CDON: variants seen among roughly 807,000 people sequenced by gnomAD.
CDON encodes the protein cell adhesion associated, oncogene regulated.
CDON carries 73 observed loss-of-function variants against 120.9 expected under a neutral mutation model. The ratio of observed to expected loss-of-function variants is 0.60; its 90% CI spans 0.50 to 0.73. The LOEUF (loss-of-function observed/expected upper bound fraction) is 0.73, where lower values mean the gene tolerates loss of function less well. Ranked by LOEUF, CDON falls within the 30% of genes least tolerant of loss-of-function variation. The probability of loss-of-function intolerance (pLI) is 0.00; values close to 1 mark genes in which losing one functional copy is unlikely to be tolerated. For synonymous variants in CDON, 566 were observed against 573.5 expected, an observed-to-expected ratio of 0.99 and a Z score of 0.19; for missense variants, 1,470 against 1,587.3, an observed-to-expected ratio of 0.93 and a Z score of 1.26.
intron 15 of CDON, among the ~76,000 whole-genome samples, chr11:125,989,014 A>C (rs191203598): frequency 7.9e-5 from 12 of 152,308 alleles, no homozygotes; most frequent in East Asian, 5.8e-4. Context: ...CAGCCTGGGC[A>C]ACACAGTGAG....
intron 1 of CDON, among the ~76,000 whole-genome samples, chr11:126,054,823 TA>T (rs1414996166): frequency 1.3e-5 from 2 of 152,104 alleles, no homozygotes; most frequent in African/African-American, 2.4e-5. Context: ...CAATGGTACA[TA>T]GGGGAAAATC....
At chr11:125,979,860 T>C (rs1387403652) in intron 17 of CDON, among the ~76,000 whole-genome samples, 1 of 152,206 alleles carries the variant, frequency 6.6e-6, no homozygotes, top group Non-Finnish European at 1.5e-5. Context: ...ATGATTCTCT[T>C]TTAGTAATGA....
In CDON at chr11:125,959,676, AC is replaced by A. The variant is rs1320839971; in HGVS notation, c.*1265del. 1 of 152,078 alleles carries A rather than the reference AC, an allele frequency of 6.6e-6. No homozygotes were observed. Among genetic ancestry groups the A allele is most frequent in the African/African-American group, 2.4e-5 (1 of 41,392 alleles). The allele number at this position is 152,078 out of a possible 1,614,324, so 9.4% of individuals were successfully genotyped here. ...CCAAAGTAAGTCTTTTCTGACACTC[AC>A]CCCTGCAGGCCGTTGCCTATGCTGG... On this transcript the variant is annotated 3_prime_UTR_variant, in exon 20 of 20. Transcript: ENST00000531738.
chr11:126,040,173 C>T (rs896985259), intron 1 of CDON, among the ~76,000 whole-genome samples: 2 of 152,050 alleles, frequency 1.3e-5, no homozygotes, highest in East Asian at 1.9e-4. Flanking sequence ...AACAGAGGGC[C>T]GGGGGGTATA....
rs1260282722 is a variant in CDON, at chr11:125,961,003, G to A, written c.3734C>T (p.Ser1245Phe). 6.2e-7 allele frequency: 1 copy of A among 1,614,182 alleles called. No individual in the cohort carries two copies. Among genetic ancestry groups the A allele is most frequent in the Non-Finnish European group, 8.5e-7 (1 of 1,180,018 alleles). ...GCTGTCTAAAGGAATGCCAGGTGGAGACCACATTGTCTTCTCAGCACAGCC... is the reference window on the plus strand; with the variant it reads ...GCTGTCTAAAGGAATGCCAGGTGGAAACCACATTGTCTTCTCAGCACAGCC... ...PEGCAEKTMW[S>F]PPGIPLDSPT... Residue 1245 changes from serine (S) to phenylalanine (F), a missense_variant, in exon 20 of 20, where the codon TCT (serine) becomes TTT (phenylalanine). Transcript: ENST00000531738.
intron 1 of CDON, among the ~76,000 whole-genome samples, chr11:126,038,817 C>G (rs1446195579): frequency 6.6e-6 from 1 of 152,124 alleles, no homozygotes; most frequent in African/African-American, 2.4e-5. Context: ...TAAGTAAGTA[C>G]CTCAAGAGTA....
chr11:126,024,283 T>A (rs1947724819), intron 1 of CDON, among the ~76,000 whole-genome samples: 1 of 152,200 alleles, frequency 6.6e-6, no homozygotes, highest in Admixed American at 6.5e-5. Context: ...GATGTAATGT[T>A]ATTTATGCTT....
intron 7 of CDON, among the ~76,000 whole-genome samples, chr11:126,011,159 T>C (rs1280594675): frequency 3.3e-5 from 5 of 152,022 alleles, no homozygotes; most frequent in African/African-American, 1.2e-4. Context: ...GAAAAAAACC[T>C]GTTCTCAATA....
At chr11:126,053,656 A>G (rs1016666782) in intron 1 of CDON, among the ~76,000 whole-genome samples, 1 of 152,066 alleles carries the variant, frequency 6.6e-6, no homozygotes, top group African/African-American at 2.4e-5. Flanking sequence ...GATGTTTTCA[A>G]TACATTGCAA....
intron 12 of CDON, among the ~76,000 whole-genome samples, chr11:125,996,699 C>CAAAAAAAAA (rs71048761): frequency 1.9e-5 from 1 of 53,352 alleles, no homozygotes; most frequent in Admixed American, 3.2e-4. Context: ...GACTCCATCT[C>CAAAAAAAAA]AAAAAAAAAA....
At chr11:126,061,919 G>A (rs1245384256) in intron 1 of CDON, among the ~76,000 whole-genome samples, 2 of 152,206 alleles carry the variant, frequency 1.3e-5, no homozygotes, top group Admixed American at 6.5e-5. Context: ...GGAAGGGCAA[G>A]AGAGTCTATC....
In CDON at chr11:125,961,859, G is replaced by A; in HGVS notation, c.3496C>T (p.Pro1166Ser). 1.2e-6 allele frequency: 2 copies of A among 1,614,182 alleles called. No homozygotes were observed. Among genetic ancestry groups the A allele is most frequent in the Non-Finnish European group, 1.7e-6 (2 of 1,180,034 alleles). Residue 1166 changes from proline to serine, a missense_variant, in exon 19 of 20, where the codon CCT becomes TCT. By Grantham distance (74) the Pro-to-Ser change is moderately conservative (BLOSUM62 -1). Transcript: ENST00000531738. ...TCCTCCGGCAACTGGCCACAATCAG[G>A]GACTGCGGAAGTCAGGCATACAGGC... ...KVPVCLTSAV[P>S]DCGQLPEESV... is the part of the protein sequence containing the mutation.
Position 126,003,965 on chromosome 11 carries a change from T to A in CDON, c.1963A>T (p.Met655Leu). 1 of 1,614,068 alleles carries A rather than the reference T, an allele frequency of 6.2e-7. No homozygotes were observed. Among genetic ancestry groups the A allele is most frequent in the Non-Finnish European group, 8.5e-7 (1 of 1,179,964 alleles). Residue 655 changes from methionine (M) to leucine (L), a missense_variant, in exon 10 of 20, where the codon ATG (methionine) becomes TTG (leucine). Coordinates refer to ENST00000531738, the MANE Select transcript of CDON (RefSeq NM_001378964.1). ...LEPSSLYEVL[M>L]VARSAAGEGQ... Reference sequence around the variant, plus strand: ...TCACCTGCTGCGCTTCTTGCTACCATCAAGACTTCATAAAGACTAGATGGC... The same window carrying A: ...TCACCTGCTGCGCTTCTTGCTACCAACAAGACTTCATAAAGACTAGATGGC...
chr11:125,972,433 AAC>A (rs1208648763), intron 18 of CDON, among the ~76,000 whole-genome samples: 2 of 152,096 alleles, frequency 1.3e-5, no homozygotes, highest in Admixed American at 1.3e-4. Flanking sequence ...TCTCAAAAAA[AAC>A]AAAAGAAAAT....
Position 126,020,095 on chromosome 11 carries a change from C to G in CDON, c.350-330G>C, listed in dbSNP as rs7101525. 0.11 allele frequency among the ~76,000 whole-genome samples: 16,486 copies of G among 152,036 alleles called. 939 individuals carry two copies. Among genetic ancestry groups the G allele is most frequent in the African/African-American group, 0.13 (5,394 of 41,458 alleles). On this transcript the variant is annotated intron_variant, in intron 3 of 19. Coordinates refer to ENST00000531738, the MANE Select transcript of CDON (RefSeq NM_001378964.1). ...AAAAGAAAAGAAAGCAGCTGGGGCACATGTGCATGGTTGAGGGCTAAGACC... is the reference window on the plus strand; with the variant it reads ...AAAAGAAAAGAAAGCAGCTGGGGCAGATGTGCATGGTTGAGGGCTAAGACC...
chr11:125,969,075 T>C (rs1363464129), intron 18 of CDON, among the ~76,000 whole-genome samples: 1 of 152,236 alleles, frequency 6.6e-6, no homozygotes, highest in African/African-American at 2.4e-5. Flanking sequence ...CTCAGCTCAC[T>C]GCAACCTCCG....
Position 126,005,849 on chromosome 11 carries a change from C to G in CDON, c.1761G>C (p.Gln587His). 1 of 1,614,074 alleles carries G rather than the reference C, an allele frequency of 6.2e-7. No homozygotes were observed. Among genetic ancestry groups the G allele is most frequent in the Non-Finnish European group, 8.5e-7 (1 of 1,180,010 alleles). ...PDAPIILSPP[Q>H]THTPDTYNLV... ...GGTTGTACGTGTCTGGTGTGTGGGT[C>G]TGTGGGGGGCTCAGTATGATGGGGG... The change falls in exon 9 of 20, where the codon CAG (glutamine) becomes CAC (histidine). Residue 587 changes from glutamine to histidine, a missense_variant. Gln to His is a conservative substitution (Grantham distance 24). Coordinates refer to ENST00000531738, the MANE Select transcript of CDON (RefSeq NM_001378964.1).
Position 125,960,808 on chromosome 11 carries a change from G to A in CDON, c.*134C>T. ...CACACGTTTTAAGATACATTCATAT[G>A]ACATTACTACTACAAAAAAATAAAT... On this transcript the variant is annotated 3_prime_UTR_variant, in exon 20 of 20. Coordinates refer to ENST00000531738, the MANE Select transcript of CDON (RefSeq NM_001378964.1). 1.2e-6 allele frequency: 1 copy of A among 828,454 alleles called. No homozygotes were observed. The highest frequency in any genetic ancestry group is 2.1e-6 in the Non-Finnish European group (1 of 481,196). 51.3% of individuals were successfully genotyped at this position (828,454 alleles called of 1,614,324 possible). A position where few individuals can be genotyped will look rare whatever the true frequency, so the allele number is the denominator to read the frequency against.
chr11:126,049,536 T>A (rs616806), intron 1 of CDON, among the ~76,000 whole-genome samples: 27,128 of 152,126 alleles, frequency 0.18, 2,832 homozygotes, highest in African/African-American at 0.27. Flanking sequence ...TCATCAGAAG[T>A]CATCAAAGTC....
Sources: allele counts gnomAD v4.1 joint callset (sites outside exome capture counted in the v4.1 genomes callset), GRCh38; gene constraint gnomAD v4.1.1; transcripts MANE v1.5; gene names NCBI Gene and HGNC (gene_info 2026-07-23, HGNC 2026-07-21).